Variants in PRDM6 observed in about 807,000 individuals in gnomAD.
PRDM6 encodes putative histone-lysine N-methyltransferase PRDM6.
In PRDM6, 25 loss-of-function variants were observed where a neutral mutation model predicts 60.8. The ratio of observed to expected loss-of-function variants is 0.41; its 90% CI spans 0.30 to 0.57. The LOEUF (loss-of-function observed/expected upper bound fraction) is 0.57, where lower values mean the gene tolerates loss of function less well. Ranked by LOEUF, PRDM6 falls within the 20% of genes least tolerant of loss-of-function variation. The pLI, the probability that PRDM6 is intolerant of heterozygous loss-of-function variation, is 0.27. For missense variants in PRDM6, 839 were observed against 821.3 expected (o/e 1.02, Z -0.26); for synonymous variants, 407 against 357.4 (o/e 1.14, Z -1.57).
chr5:123,166,199 C>CT (rs1249736996), intron 5 of PRDM6, among the ~76,000 whole-genome samples: 1 of 152,172 alleles, frequency 6.6e-6, no homozygotes, highest in African/African-American at 2.4e-5. Context: ...GCCACATTGC[C>CT]TTTTTTTCCA....
In PRDM6 at chr5:123,170,769, A is replaced by G. The variant is rs1268093254; in HGVS notation, c.1157A>G (p.Asn386Ser). ...TAAACTGTTGCTATTCTCCTAGTAAATGTCCCTTCAACGGTAATGGAAGCC... is the reference window on the plus strand; with the variant it reads ...TAAACTGTTGCTATTCTCCTAGTAAGTGTCCCTTCAACGGTAATGGAAGCC... ...LQCIAQDENL[N>S]VPSTVMEAMC... is the part of the protein sequence containing the mutation. Residue 386 changes from asparagine (N) to serine (S), a missense_variant, in exon 6 of 8, where the codon AAT becomes AGT. Coordinates refer to ENST00000407847, the MANE Select transcript of PRDM6 (RefSeq NM_001136239.4). The G allele has an allele frequency of 1.9e-6, 3 of 1,546,214 alleles. No individual in the cohort carries two copies. The highest frequency in any genetic ancestry group is 2.5e-5 in the East Asian group (1 of 40,810).
Position 123,107,561 on chromosome 5 carries a change from T to C in PRDM6, c.900+7600T>C, listed in dbSNP as rs1308309310. Among the ~76,000 whole-genome samples the C allele has an allele frequency of 3.5e-4, 53 of 152,248 alleles. 1 individual carries two copies. The highest frequency in any genetic ancestry group is 3.5e-3 in the Admixed American group (53 of 15,280). Reference sequence around the variant, plus strand: ...TGAAAGCTAGCCATGTGGTTTATGCTTAGTACAAAGTAACTGACTTTGAGA... The same window carrying C: ...TGAAAGCTAGCCATGTGGTTTATGCCTAGTACAAAGTAACTGACTTTGAGA... On this transcript the variant is annotated intron_variant, in intron 3 of 7. Transcript: ENST00000407847.
intron 3 of PRDM6, among the ~76,000 whole-genome samples, chr5:123,119,277 A>G (rs1463331896): frequency 1.3e-5 from 2 of 152,232 alleles, no homozygotes; most frequent in African/African-American, 2.4e-5. Context: ...GGAAAAAACA[A>G]GATGAGAGAT....
intron 2 of PRDM6, among the ~76,000 whole-genome samples, chr5:123,093,653 C>T (rs966256156): frequency 6.6e-6 from 1 of 152,150 alleles, no homozygotes; most frequent in South Asian, 2.1e-4. Context: ...CTTCCTTCCC[C>T]GTCTAATATT....
At chr5:123,116,384 T>C (rs1764448328) in intron 3 of PRDM6, among the ~76,000 whole-genome samples, 1 of 152,250 alleles carries the variant, frequency 6.6e-6, no homozygotes, top group African/African-American at 2.4e-5. Flanking sequence ...CACTCATTAT[T>C]AGGAGCTTTG....
At chr5:123,172,483 G>C (rs933523874) in intron 6 of PRDM6, among the ~76,000 whole-genome samples, 3 of 152,090 alleles carry the variant, frequency 2.0e-5, no homozygotes, top group African/African-American at 7.2e-5. Flanking sequence ...GCGTAGAGGT[G>C]ATACAAAAGT....
chr5:123,114,713 C>T (rs1764394676), intron 3 of PRDM6, among the ~76,000 whole-genome samples: 1 of 152,176 alleles, frequency 6.6e-6, no homozygotes, highest in South Asian at 2.1e-4. Context: ...ACTCTTGTGA[C>T]TGGGGAGGCC....
At chr5:123,130,327 T>A (rs1185888027) in intron 3 of PRDM6, among the ~76,000 whole-genome samples, 8 of 88,052 alleles carry the variant, frequency 9.1e-5, no homozygotes, top group Non-Finnish European at 1.7e-4. Flanking sequence ...CTTCTCTCCC[T>A]CCCTCCTTCC....
At chr5:123,155,755 A>G in intron 3 of PRDM6, 129 bp from the exon 4 acceptor site, 1 of 979,012 alleles carries the variant, frequency 1.0e-6, no homozygotes, top group Non-Finnish European at 1.5e-6. Context: ...GTCCACAAGC[A>G]TCAATAAGCA....
chr5:123,108,625 G>A (rs1332595602), intron 3 of PRDM6, among the ~76,000 whole-genome samples: 4 of 152,108 alleles, frequency 2.6e-5, no homozygotes, highest in African/African-American at 9.7e-5. Flanking sequence ...ATTAATTGCA[G>A]AGTAAAATTT....
At chr5:123,106,254 T>C (rs1186587091) in intron 3 of PRDM6, among the ~76,000 whole-genome samples, 2 of 152,164 alleles carry the variant, frequency 1.3e-5, no homozygotes, top group East Asian at 3.8e-4. Flanking sequence ...GGAAAGAGCA[T>C]AGTGTGCAGC....
chr5:123,091,637 G>A (rs912408812), intron 2 of PRDM6, among the ~76,000 whole-genome samples: 3 of 152,180 alleles, frequency 2.0e-5, no homozygotes, highest in Non-Finnish European at 2.9e-5. Flanking sequence ...CCTATACTGT[G>A]TTGGGAGTGT....
intron 5 of PRDM6, among the ~76,000 whole-genome samples, chr5:123,169,216 T>TA (rs1245194719): frequency 6.6e-6 from 1 of 152,270 alleles, no homozygotes; most frequent in African/African-American, 2.4e-5. Flanking sequence ...GTAGTTAAAA[T>TA]AAAAAAAGAA....
In PRDM6 at chr5:123,188,358, T is replaced by C. The variant is rs1227760706; in HGVS notation, c.*1157T>C. Reference sequence around the variant, plus strand: ...ATCAATAGGATTACTTTGTCTTTTCTTGAGATTGATTAATTGAAAGAGAAG... The same window carrying C: ...ATCAATAGGATTACTTTGTCTTTTCCTGAGATTGATTAATTGAAAGAGAAG... On this transcript the variant is annotated 3_prime_UTR_variant, in exon 8 of 8. Coordinates refer to ENST00000407847, the MANE Select transcript of PRDM6 (RefSeq NM_001136239.4). 1 of 152,234 alleles carries C rather than the reference T, an allele frequency of 6.6e-6. No homozygotes were observed. The highest frequency in any genetic ancestry group is 2.4e-5 in the African/African-American group (1 of 41,462). The allele number at this position is 152,234 out of a possible 1,614,324, so 9.4% of individuals were successfully genotyped here.
intron 3 of PRDM6, among the ~76,000 whole-genome samples, chr5:123,136,910 G>C (rs776906678): frequency 3.9e-5 from 6 of 152,186 alleles, no homozygotes; most frequent in Non-Finnish European, 7.3e-5. Flanking sequence ...TTTGCATTGT[G>C]GTTTGGTGGC....
intron 5 of PRDM6, among the ~76,000 whole-genome samples, chr5:123,164,710 A>G (rs1477308401): frequency 1.3e-5 from 2 of 152,090 alleles, no homozygotes; most frequent in Non-Finnish European, 2.9e-5. Context: ...GAGAGATTTG[A>G]CTTTTTGCGT....
chr5:123,183,407 G>A (rs2126892598), intron 7 of PRDM6, among the ~76,000 whole-genome samples: 1 of 152,258 alleles, frequency 6.6e-6, no homozygotes, highest in South Asian at 2.1e-4. Context: ...GGCATATCAA[G>A]ATTACTGCCA....
chr5:123,161,153 C>T (rs1765621893), intron 5 of PRDM6, among the ~76,000 whole-genome samples: 1 of 152,164 alleles, frequency 6.6e-6, no homozygotes, highest in African/African-American at 2.4e-5. Context: ...CTACAACCTG[C>T]TACAGACTCT....
chr5:123,157,167 T>C (rs989663132), intron 4 of PRDM6, among the ~76,000 whole-genome samples: 5 of 151,698 alleles, frequency 3.3e-5, no homozygotes, highest in Admixed American at 2.0e-4. Flanking sequence ...GGTCTTCAAT[T>C]AAAAAAAATG....
Sources: gnomAD v4.1 joint callset for allele counts (sites outside exome capture counted in the v4.1 genomes callset) on GRCh38, gnomAD v4.1.1 for gene constraint, MANE v1.5 for transcripts, NCBI Gene and HGNC (gene_info 2026-07-23, HGNC 2026-07-21) for gene names.